TOMM20: variants seen among roughly 807,000 people sequenced by gnomAD.
The protein encoded by TOMM20 is translocase of outer mitochondrial membrane 20.
Under a neutral mutation model 22.1 loss-of-function variants are expected in TOMM20, and 10 were observed. The observed-to-expected ratio is 0.45, with a 90% CI of 0.28 to 0.77. The LOEUF is 0.77. TOMM20 is among the 30% of genes least tolerant of loss of function. The pLI is 0.13. For missense variants in TOMM20, 121 were observed against 172.2 expected, an observed-to-expected ratio of 0.70 and a Z score of 1.66; for synonymous variants, 55 against 61.4, an observed-to-expected ratio of 0.90 and a Z score of 0.49.
intron 4 of TOMM20, among the ~76,000 whole-genome samples, chr1:235,112,943 C>T (rs1440469524): frequency 6.6e-5 from 10 of 152,140 alleles, no homozygotes; most frequent in Admixed American, 6.6e-4. Flanking sequence ...CAACTTGTTC[C>T]CTCAAGTCGT....
chr1:235,122,927 T>C (rs1660951562), intron 1 of TOMM20, among the ~76,000 whole-genome samples: 1 of 152,208 alleles, frequency 6.6e-6, no homozygotes, highest in South Asian at 2.1e-4. Flanking sequence ...TCAAGGATAC[T>C]GATGCAGGAC....
intron 3 of TOMM20, among the ~76,000 whole-genome samples, chr1:235,118,120 T>C (rs908103021): frequency 7.3e-5 from 9 of 123,620 alleles, no homozygotes; most frequent in Admixed American, 1.6e-4. Flanking sequence ...GATTACTGTA[T>C]CTGCAGATTT....
chr1:235,119,921 A>T (rs772798878), intron 2 of TOMM20, 22 bp from the exon 3 acceptor site: 38 of 1,526,598 alleles, frequency 2.5e-5, no homozygotes, highest in Middle Eastern at 1.7e-4. Flanking sequence ...ATATTTAATA[A>T]ATGACACCAC....
At chr1:235,116,928 G>A (rs1027377254) in intron 3 of TOMM20, among the ~76,000 whole-genome samples, 5 of 150,122 alleles carry the variant, frequency 3.3e-5, no homozygotes, top group East Asian at 2.0e-4. Context: ...AAGGTCAGGA[G>A]ATCGAGACCA....
At chr1:235,118,810 C>A (rs1660878465) in intron 3 of TOMM20, among the ~76,000 whole-genome samples, 1 of 152,196 alleles carries the variant, frequency 6.6e-6, no homozygotes, top group Non-Finnish European at 1.5e-5. Context: ...CAGGCATGAG[C>A]CACCATGCCT....
intron 1 of TOMM20, chr1:235,127,818 GAAAT>G (rs1558131477): frequency 1.9e-6 from 1 of 518,636 alleles, no homozygotes; most frequent in South Asian, 1.4e-5. Context: ...TCGCAGGTAT[GAAAT>G]AAGACTGAGC....
chr1:235,121,080 T>C (rs962694781), intron 2 of TOMM20, among the ~76,000 whole-genome samples: 11 of 151,396 alleles, frequency 7.3e-5, no homozygotes, highest in African/African-American at 2.4e-4. Flanking sequence ...GCACCTGTAG[T>C]CCCAGCTGCT....
chr1:235,128,631 G>C lies in TOMM20; in HGVS notation c.85C>G (p.Arg29Gly), dbSNP rs965328787. The C allele has an allele frequency of 4.3e-6, 7 of 1,613,608 alleles. No individual in the cohort carries two copies. Among genetic ancestry groups the C allele is most frequent in the Non-Finnish European group, 5.9e-6 (7 of 1,179,966 alleles). ...GYCIYFDRKR[R>G]SDPNFKNRLR... ...CTGTTCTTGAAGTTGGGGTCACTTC[G>C]TCTTTTGCGGTCGAAGTAGATGCAG... Residue 29 changes from arginine to glycine, a missense_variant, in exon 1 of 5, where the codon CGA becomes GGA. Physicochemically the swap from Arg to Gly is moderately radical, Grantham distance 125 (BLOSUM62 -2). Transcript: ENST00000366607.
At chr1:235,126,054 T>A (rs569345972) in intron 1 of TOMM20, among the ~76,000 whole-genome samples, 4 of 148,704 alleles carry the variant, frequency 2.7e-5, no homozygotes, top group African/African-American at 9.9e-5. Context: ...CTGCGCCTGG[T>A]CGATAGATTA....
intron 1 of TOMM20, among the ~76,000 whole-genome samples, chr1:235,124,884 A>G (rs771232701): frequency 6.6e-6 from 1 of 152,254 alleles, no homozygotes; most frequent in Admixed American, 6.5e-5. Context: ...GACAGATGGT[A>G]ATCAACTGAA....
intron 1 of TOMM20, among the ~76,000 whole-genome samples, chr1:235,124,171 ACC>A (rs1355753151): frequency 6.6e-6 from 1 of 152,172 alleles, no homozygotes; most frequent in Non-Finnish European, 1.5e-5. Flanking sequence ...ATACGGTGAA[ACC>A]CCGTCTTTAC....
At chr1:235,113,744 T>G in intron 4 of TOMM20, 24 bp downstream of exon 4, 1 of 1,591,222 alleles carries the variant, frequency 6.3e-7, no homozygotes, top group Non-Finnish European at 8.5e-7. Flanking sequence ...CTCACTTTTA[T>G]GTCATAACAT....
intron 2 of TOMM20, among the ~76,000 whole-genome samples, chr1:235,121,723 A>G (rs1660933892): frequency 1.3e-5 from 2 of 152,236 alleles, no homozygotes; most frequent in Non-Finnish European, 2.9e-5. Flanking sequence ...AATGATTAAC[A>G]TTTACTTAAT....
rs761422841 is a variant in TOMM20, at chr1:235,113,759, A to G, written c.393+9T>C. On this transcript the variant is annotated intron_variant, in intron 4 of 4. Coordinates refer to ENST00000366607, the MANE Select transcript of TOMM20 (RefSeq NM_014765.3). ...CTCACTTTTATGTCATAACATTCCA[A>G]TTCCTTACCTGACTAATTGTTGGGA... The G allele has an allele frequency of 5.0e-6, 8 of 1,602,044 alleles. No individual in the cohort carries two copies. Among genetic ancestry groups the G allele is most frequent in the Non-Finnish European group, 3.4e-6 (4 of 1,176,210 alleles).
At chr1:235,119,389 C>T (rs1252895441) in intron 3 of TOMM20, 4 of 153,008 alleles carry the variant, frequency 2.6e-5, no homozygotes, top group Admixed American at 2.6e-4. Context: ...TTACATTAGC[C>T]ATTCCTTCCT....
At chr1:235,117,033 G>C (rs1052141631) in intron 3 of TOMM20, among the ~76,000 whole-genome samples, 6 of 149,872 alleles carry the variant, frequency 4.0e-5, no homozygotes, top group African/African-American at 4.9e-5. Flanking sequence ...TACTCGGGAG[G>C]CTGAGGCAGG....
intron 3 of TOMM20, among the ~76,000 whole-genome samples, chr1:235,117,258 C>G (rs987898358): frequency 6.8e-6 from 1 of 146,414 alleles, no homozygotes; most frequent in Non-Finnish European, 1.5e-5. Flanking sequence ...CGGAGTTTGA[C>G]TAGCCTGACC....
intron 3 of TOMM20, 126 bp from the exon 4 acceptor site, chr1:235,114,036 C>A: frequency 1.0e-6 from 1 of 981,976 alleles, no homozygotes; most frequent in Middle Eastern, 2.2e-4. Context: ...TGGAAATGAC[C>A]TATAATGCAT....
At chr1:235,125,793 A>T (rs1464086991) in intron 1 of TOMM20, among the ~76,000 whole-genome samples, 1 of 148,332 alleles carries the variant, frequency 6.7e-6, no homozygotes, top group Non-Finnish European at 1.5e-5. Context: ...CTCTGTCCCC[A>T]GGCTGGAGTG....
Sources: allele counts gnomAD v4.1 joint callset (sites outside exome capture counted in the v4.1 genomes callset), GRCh38; gene constraint gnomAD v4.1.1; transcripts MANE v1.5; gene names NCBI Gene and HGNC (gene_info 2026-07-23, HGNC 2026-07-21).